PLEKHG1: variants seen among roughly 807,000 people sequenced by gnomAD.
PLEKHG1 encodes the protein pleckstrin homology and RhoGEF domain containing G1.
A neutral mutation model predicts 100.8 loss-of-function variants in PLEKHG1; 44 were observed. The ratio of observed to expected loss-of-function variants is 0.44; its 90% CI spans 0.34 to 0.56. The LOEUF is 0.56. Ranked by LOEUF, PLEKHG1 falls within the 20% of genes least tolerant of loss-of-function variation. The pLI, the probability that PLEKHG1 is intolerant of heterozygous loss-of-function variation, is 0.01. For missense variants in PLEKHG1, 1,545 were observed against 1,720.9 expected (o/e 0.90, Z 1.81); for synonymous variants, 640 against 662.5 (o/e 0.97, Z 0.52).
chr6:150,611,298 G>T (rs1776817307), intron 1 of PLEKHG1, among the ~76,000 whole-genome samples: 1 of 152,188 alleles, frequency 6.6e-6, no homozygotes, highest in South Asian at 2.1e-4. Flanking sequence ...GTCTGTGTTT[G>T]TTATTCTCAT....
chr6:150,682,166 C>T (rs561420455), intron 3 of PLEKHG1, among the ~76,000 whole-genome samples: 2 of 152,270 alleles, frequency 1.3e-5, no homozygotes, highest in South Asian at 4.1e-4. Context: ...CATGTCTGGG[C>T]CTTGTGCTGG....
intron 1 of PLEKHG1, among the ~76,000 whole-genome samples, chr6:150,607,863 G>A (rs1776666927): frequency 6.6e-6 from 1 of 152,156 alleles, no homozygotes; most frequent in Non-Finnish European, 1.5e-5. Flanking sequence ...GCTCTCTTGA[G>A]GAAAGCACTT....
exon 7 of PLEKHG1, chr6:150,804,615 A>T: frequency 6.3e-7 from 1 of 1,581,560 alleles, no homozygotes; most frequent in East Asian, 2.2e-5. Flanking sequence ...TTAAGGAAAT[A>T]GAAAACCACC....
In PLEKHG1 at chr6:150,764,002, C is replaced by A. The variant is rs558873694; in HGVS notation, c.412-4636C>A. 2.0e-5 allele frequency among the ~76,000 whole-genome samples: 3 copies of A among 152,258 alleles called. No homozygotes were observed. In the East Asian group the frequency reaches 5.8e-4, roughly 29 times the overall value. On this transcript the variant is annotated intron_variant, in intron 2 of 15. Transcript: ENST00000358517. ...TTATTCTCCACATCCCATTAAATACCTCTCCTCTCCACCTGACTCAGGGTT... is the reference window on the plus strand; with the variant it reads ...TTATTCTCCACATCCCATTAAATACATCTCCTCTCCACCTGACTCAGGGTT...
rs201995951 is a variant in PLEKHG1 at position 150,806,326 on chromosome 6, T to TC, written c.912+1591dup. 4.7e-3 allele frequency among the ~76,000 whole-genome samples: 680 copies of TC among 144,728 alleles called. 8 individuals are homozygous for TC. Among genetic ancestry groups the TC allele is most frequent in the African/African-American group, 0.016 (646 of 39,780 alleles). 94.9% of individuals were successfully genotyped at this position (144,728 alleles called of 152,430 possible). ...TGTCGGAATCTATTGAATACAGTCA[T>TC]CCCCCCTATCCGCAGTTTCACTTTC... On this transcript the variant is annotated intron_variant, in intron 7 of 15. Transcript: ENST00000358517.
chr6:150,666,342 C>T (rs573560628), intron 3 of PLEKHG1, among the ~76,000 whole-genome samples: 7 of 152,282 alleles, frequency 4.6e-5, no homozygotes, highest in South Asian at 2.1e-4. Flanking sequence ...ACACTGAGTT[C>T]GCCACAGGAT....
At chr6:150,821,327 T>C in intron 13 of PLEKHG1, 94 bp downstream of exon 14, 1 of 805,610 alleles carries the variant, frequency 1.2e-6, no homozygotes. Context: ...AAATTACATA[T>C]TGACAGATTT....
rs569901819 is a variant in PLEKHG1 at position 150,772,441 on chromosome 6, G to A, written c.512+3703G>A. On this transcript the variant is annotated intron_variant, in intron 3 of 15. Coordinates refer to ENST00000358517, the Ensembl canonical transcript of PLEKHG1. Reference sequence around the variant, plus strand: ...TTGAGACCAGCCTGGGCAACGTGGCGAAATCCCATCTCTACAAAAAATCAA... The same window carrying A: ...TTGAGACCAGCCTGGGCAACGTGGCAAAATCCCATCTCTACAAAAAATCAA... Among the ~76,000 whole-genome samples the A allele has an allele frequency of 1.8e-4, 27 of 152,246 alleles. No homozygotes were observed. The East Asian group carries it at 3.5e-3, about 20-fold the overall frequency.
chr6:150,701,112 G>T (rs1468760425), intron 3 of PLEKHG1, among the ~76,000 whole-genome samples: 1 of 151,830 alleles, frequency 6.6e-6, no homozygotes, highest in Non-Finnish European at 1.5e-5. Flanking sequence ...TTGAGGTCAG[G>T]AGTTTGAGAC....
chr6:150,784,494 T>A (rs1785492317), intron 3 of PLEKHG1, among the ~76,000 whole-genome samples: 1 of 152,222 alleles, frequency 6.6e-6, no homozygotes. Context: ...CTTCTGTTAC[T>A]CTTACTCAGA....
chr6:150,720,427 G>C (rs553997401), upstream of PLEKHG1, among the ~76,000 whole-genome samples: 10 of 151,968 alleles, frequency 6.6e-5, no homozygotes, highest in African/African-American at 2.4e-4. Flanking sequence ...GAACTTAACT[G>C]TTCTCCAAAG....
intron 3 of PLEKHG1, among the ~76,000 whole-genome samples, chr6:150,771,913 AAG>A (rs1307553972): frequency 1.3e-5 from 2 of 152,234 alleles, no homozygotes; most frequent in African/African-American, 4.8e-5. Flanking sequence ...CATTCTGTCA[AAG>A]AGTCAGGCGT....
chr6:150,687,224 T>C (rs1159552626), intron 3 of PLEKHG1, among the ~76,000 whole-genome samples: 1 of 152,210 alleles, frequency 6.6e-6, no homozygotes, highest in East Asian at 1.9e-4. Flanking sequence ...TAGTAAAAGA[T>C]TATTACTACC....
At chr6:150,809,393 A>G in exon 9 of PLEKHG1, 23 of 1,613,826 alleles carry the variant, frequency 1.4e-5, no homozygotes, top group Non-Finnish European at 1.9e-5. Context: ...TGGCAACCTC[A>G]TGCTTGTGGA....
intron 3 of PLEKHG1, among the ~76,000 whole-genome samples, chr6:150,703,885 C>T (rs1424077133): frequency 6.6e-6 from 1 of 152,112 alleles, no homozygotes; most frequent in Non-Finnish European, 1.5e-5. Context: ...TTTCATGTGG[C>T]ATTTTTACAT....
At chr6:150,616,250 C>G (rs760460432) in intron 1 of PLEKHG1, among the ~76,000 whole-genome samples, 1 of 152,212 alleles carries the variant, frequency 6.6e-6, no homozygotes, top group Non-Finnish European at 1.5e-5. Context: ...AGACCAAGTT[C>G]TCTTATCTTA....
intron 2 of PLEKHG1, among the ~76,000 whole-genome samples, chr6:150,642,949 C>T (rs982259907): frequency 3.3e-5 from 5 of 150,370 alleles, no homozygotes; most frequent in African/African-American, 1.0e-4. Context: ...ATTGAAGAAA[C>T]ATTCCCTACT....
intron 3 of PLEKHG1, among the ~76,000 whole-genome samples, chr6:150,704,908 AGCAAG>A (rs1780943361): frequency 1.3e-5 from 2 of 152,164 alleles, no homozygotes; most frequent in Non-Finnish European, 2.9e-5. Flanking sequence ...ATAGAGAGAG[AGCAAG>A]ATCTCTCGTA....
chr6:150,740,297 TTGGTA>T lies in PLEKHG1; in HGVS notation c.411+6209_411+6213del, dbSNP rs1306042774. On this transcript the variant is annotated intron_variant, in intron 2 of 15. Transcript: ENST00000358517. Reference sequence around the variant, plus strand: ...GATCCTGCTAGAGAGACAAAATTGTTTGGTATGGAAAGGGCAGTGTGCATCTTACT... The same window carrying T: ...GATCCTGCTAGAGAGACAAAATTGTTTGGAAAGGGCAGTGTGCATCTTACT... Among the ~76,000 whole-genome samples the T allele has an allele frequency of 2.0e-5, 3 of 152,216 alleles. No individual in the cohort carries two copies. In the East Asian group the frequency reaches 5.8e-4, roughly 29 times the overall value.
Sources: gnomAD v4.1 joint callset for allele counts (sites outside exome capture counted in the v4.1 genomes callset) on GRCh38, gnomAD v4.1.1 for gene constraint, MANE v1.5 for transcripts, NCBI Gene and HGNC (gene_info 2026-07-23, HGNC 2026-07-21) for gene names.